Variants in NR3C1 observed in about 807,000 individuals in gnomAD.
NR3C1 encodes the protein nuclear receptor subfamily 3 group C member 1.
Under a neutral mutation model 74.0 loss-of-function variants are expected in NR3C1, and 14 were observed. The observed-to-expected ratio is 0.19, with a 90% CI of 0.12 to 0.30. NR3C1 has a LOEUF of 0.30. NR3C1 is among the 10% of genes least tolerant of loss of function. The probability of loss-of-function intolerance (pLI) is 1.00; values close to 1 mark genes in which losing one functional copy is unlikely to be tolerated. For missense variants in NR3C1, 695 were observed against 909.8 expected (o/e 0.76, Z 3.04); for synonymous variants, 308 against 332.5 (o/e 0.93, Z 0.80).
chr5:143,417,178 T>A (rs1314509412), intron 1 of NR3C1, among the ~76,000 whole-genome samples: 1 of 152,208 alleles, frequency 6.6e-6, no homozygotes, highest in African/African-American at 2.4e-5. Context: ...GAATTATGTA[T>A]TAAAATATTT....
chr5:143,324,239 C>A (rs1053585675), intron 2 of NR3C1, among the ~76,000 whole-genome samples: 1 of 152,232 alleles, frequency 6.6e-6, no homozygotes, highest in African/African-American at 2.4e-5. Flanking sequence ...CCCTGCCCTG[C>A]AGTAATACTT....
At chr5:143,402,520 C>G (rs1392583367) in intron 1 of NR3C1, 24 of 906,626 alleles carry the variant, frequency 2.6e-5, no homozygotes, top group South Asian at 5.1e-5. Context: ...GAATTAACAA[C>G]AAACGCTAAA....
rs938600086 is a variant in NR3C1 at position 143,313,905 on chromosome 5, C to T, written c.1351+97G>A. On this transcript the variant is annotated intron_variant, in intron 3 of 8. Transcript: ENST00000394464. ...CTCTCCCCTCTTAACTGATATTTAGCCTTTCATGGGCTTTGCATATAATGG... is the reference window on the plus strand; with the variant it reads ...CTCTCCCCTCTTAACTGATATTTAGTCTTTCATGGGCTTTGCATATAATGG... The T allele has an allele frequency of 1.4e-5, 18 of 1,321,342 alleles. No individual in the cohort carries two copies. The South Asian group carries it at 1.8e-4, about 13-fold the overall frequency. 81.9% of individuals were successfully genotyped at this position (1,321,342 alleles called of 1,614,324 possible). A position where few individuals can be genotyped will look rare whatever the true frequency, so the allele number is the denominator to read the frequency against.
rs569370572 is a variant in NR3C1 at position 143,350,915 on chromosome 5, A to G, written c.1185-36747T>C. 7.2e-5 allele frequency among the ~76,000 whole-genome samples: 11 copies of G among 152,318 alleles called. No homozygotes were observed. The South Asian group carries it at 2.3e-3, about 32-fold the overall frequency. ...AACAGTAGGTTACTGGAAAGTGCCC[A>G]CTGAATTTAAGGACAAGCAGGTCAC... On this transcript the variant is annotated intron_variant, in intron 2 of 8. Coordinates refer to ENST00000394464, the MANE Select transcript of NR3C1 (RefSeq NM_000176.3).
rs1398575037 is a variant in NR3C1, at chr5:143,295,263, C to G, written c.2023+197G>C. On this transcript the variant is annotated intron_variant, in intron 7 of 8. Transcript: ENST00000394464. Reference sequence around the variant, plus strand: ...AGCTCATATACCTCTCTGTTTCTGCCATACCTATTTGTCTTATTAATCTTG... The same window carrying G: ...AGCTCATATACCTCTCTGTTTCTGCGATACCTATTTGTCTTATTAATCTTG... 8.1e-6 allele frequency: 8 copies of G among 985,144 alleles called. No homozygotes were observed. In the East Asian group the frequency reaches 9.1e-4, roughly 112 times the overall value. The allele number at this position is 985,144 out of a possible 1,614,324, so 61.0% of individuals were successfully genotyped here. A position where few individuals can be genotyped will look rare whatever the true frequency, so the allele number is the denominator to read the frequency against.
intron 4 of NR3C1, among the ~76,000 whole-genome samples, chr5:143,303,499 A>G (rs1047514699): frequency 3.9e-5 from 6 of 152,112 alleles, no homozygotes; most frequent in Non-Finnish European, 8.8e-5. Flanking sequence ...TACCAGATGT[A>G]CAAAGAAGAG....
intron 2 of NR3C1, among the ~76,000 whole-genome samples, chr5:143,324,634 T>C (rs758322161): frequency 2.0e-5 from 3 of 152,226 alleles, no homozygotes; most frequent in Non-Finnish European, 4.4e-5. Flanking sequence ...CTTATGCAAA[T>C]ATCTGCAGCC....
upstream of NR3C1, chr5:143,404,448 T>G: frequency 2.0e-6 from 2 of 985,110 alleles, no homozygotes; most frequent in Non-Finnish European, 2.4e-6. Context: ...GGTCTTCAGC[T>G]GCCGCCGCCG....
In NR3C1 at chr5:143,309,234, C is replaced by A. The variant is rs117675230; in HGVS notation, c.1468+863G>T. On this transcript the variant is annotated intron_variant, in intron 4 of 8. Coordinates refer to ENST00000394464, the MANE Select transcript of NR3C1 (RefSeq NM_000176.3). ...GACTACAGGTGACACCACCACGCTCCGCTAATTTTTGTGTTTTTAGCAGAG... is the reference window on the plus strand; with the variant it reads ...GACTACAGGTGACACCACCACGCTCAGCTAATTTTTGTGTTTTTAGCAGAG... Among the ~76,000 whole-genome samples the A allele has an allele frequency of 1.0e-3, 154 of 152,020 alleles. 3 individuals are homozygous for A. The East Asian group carries it at 0.022, about 22-fold the overall frequency.
chr5:143,354,664 G>A (rs187161530), intron 2 of NR3C1, among the ~76,000 whole-genome samples: 6 of 152,036 alleles, frequency 3.9e-5, no homozygotes, highest in Admixed American at 6.6e-5. Flanking sequence ...AGGCTGGCAC[G>A]GTAATCCCAG....
At chr5:143,329,219 G>T (rs541503844) in intron 2 of NR3C1, among the ~76,000 whole-genome samples, 10 of 152,336 alleles carry the variant, frequency 6.6e-5, no homozygotes, top group Non-Finnish European at 1.5e-4. Flanking sequence ...TGGCAGGAGA[G>T]AGAGAAAGCA....
At chr5:143,326,080 G>A (rs1175467451) in intron 2 of NR3C1, among the ~76,000 whole-genome samples, 1 of 152,174 alleles carries the variant, frequency 6.6e-6, no homozygotes, top group Non-Finnish European at 1.5e-5. Context: ...TTTTTACTGA[G>A]TCCATTTTAC....
intron 7 of NR3C1, among the ~76,000 whole-genome samples, chr5:143,283,923 C>T (rs1813695830): frequency 6.6e-6 from 1 of 152,134 alleles, no homozygotes; most frequent in Admixed American, 6.5e-5. Context: ...ATTAGGCAGA[C>T]TTCTGAATTT....
In NR3C1 at chr5:143,403,581, G is replaced by A. The variant is rs952437466; in HGVS notation, c.-384C>T. On this transcript the variant is annotated 5_prime_UTR_variant, in exon 1 of 9. Coordinates refer to ENST00000394464, the MANE Select transcript of NR3C1 (RefSeq NM_000176.3). The stretch of plus-strand genomic sequence containing the variant: ...GGGCTCCCGTCACAGACACGAGCTC[G>A]CAAAATGGAGGAGGCGGCGGCGGAG... 4 of 986,112 alleles carry A rather than the reference G, an allele frequency of 4.1e-6. No homozygotes were observed. The highest frequency in any genetic ancestry group is 1.1e-4 in the East Asian group (1 of 8,844). The allele number at this position is 986,112 out of a possible 1,614,324, so 61.1% of individuals were successfully genotyped here.
chr5:143,353,670 T>C (rs902052613), intron 2 of NR3C1, among the ~76,000 whole-genome samples: 1 of 152,184 alleles, frequency 6.6e-6, no homozygotes, highest in East Asian at 1.9e-4. Context: ...GTCTTTACAG[T>C]GGCCTTAAAA....
intron 4 of NR3C1, among the ~76,000 whole-genome samples, chr5:143,304,847 T>C (rs1282726185): frequency 6.6e-6 from 1 of 152,104 alleles, no homozygotes; most frequent in Non-Finnish European, 1.5e-5. Flanking sequence ...TGGCTATCCA[T>C]GTGCAGAAGA....
chr5:143,407,948 C>G (rs989316088), upstream of NR3C1, among the ~76,000 whole-genome samples: 8 of 152,110 alleles, frequency 5.3e-5, no homozygotes, highest in Admixed American at 5.2e-4. Context: ...GAAAGTGAAG[C>G]CTTCTAGTGG....
At chr5:143,426,363 G>A (rs755171516) in intron 1 of NR3C1, among the ~76,000 whole-genome samples, 1 of 152,074 alleles carries the variant, frequency 6.6e-6, no homozygotes, top group East Asian at 1.9e-4. Context: ...TTTTAAAATG[G>A]TAAAGTTTAT....
chr5:143,298,602 C>A, intron 6 of NR3C1, 66 bp downstream of exon 6: 4 of 1,534,094 alleles, frequency 2.6e-6, no homozygotes, highest in Non-Finnish European at 3.6e-6. Flanking sequence ...AGCAGTCAAT[C>A]AGGAAAACAT....
Sources: gnomAD v4.1 joint callset for allele counts (sites outside exome capture counted in the v4.1 genomes callset) on GRCh38, gnomAD v4.1.1 for gene constraint, MANE v1.5 for transcripts, NCBI Gene and HGNC (gene_info 2026-07-23, HGNC 2026-07-21) for gene names.